The following DOCK1 variants were observed in gnomAD, a reference collection of about 807,000 sequenced individuals.
The protein encoded by DOCK1 is dedicator of cytokinesis 1.
A neutral mutation model predicts 262.7 loss-of-function variants in DOCK1; 138 were observed. The ratio of observed to expected loss-of-function variants is 0.53; its 90% CI spans 0.46 to 0.61. The LOEUF (loss-of-function observed/expected upper bound fraction) is 0.61. Among genes scored for constraint, DOCK1 ranks in the 20% least tolerant of loss-of-function variants. The pLI is 0.00. For synonymous variants in DOCK1, 866 were observed against 867.4 expected (o/e 1.00, Z 0.03); for missense variants, 1,908 against 2,370.7 (o/e 0.80, Z 4.05).
At chr10:127,045,623 T>G in intron 21 of DOCK1, among the ~76,000 whole-genome samples, 1 of 152,176 alleles carries the variant, frequency 6.6e-6, no homozygotes, top group East Asian at 1.9e-4. Context: ...AGAGAAGGAA[T>G]GAAAGATTTT....
intron 29 of DOCK1, among the ~76,000 whole-genome samples, chr10:127,285,754 G>A (rs922802092): frequency 6.6e-6 from 1 of 152,202 alleles, no homozygotes; most frequent in African/African-American, 2.4e-5. Context: ...AAGATTTGGA[G>A]GATTTGAGGA....
At chr10:127,327,821 T>C (rs1231748294) in intron 29 of DOCK1, among the ~76,000 whole-genome samples, 3 of 152,132 alleles carry the variant, frequency 2.0e-5, no homozygotes, top group African/African-American at 4.8e-5. Context: ...TTCAGAGCTG[T>C]TATTAACTTG....
At chr10:127,189,345 T>C (rs2056550945) in intron 27 of DOCK1, among the ~76,000 whole-genome samples, 1 of 152,206 alleles carries the variant, frequency 6.6e-6, no homozygotes, top group African/African-American at 2.4e-5. Flanking sequence ...CACTCAGTAG[T>C]TGACCTGCCC....
chr10:126,980,393 A>C (rs1011632906), intron 3 of DOCK1, among the ~76,000 whole-genome samples: 1 of 151,968 alleles, frequency 6.6e-6, no homozygotes, highest in Non-Finnish European at 1.5e-5. Context: ...AAAGGGTCTC[A>C]CCATCTTGCC....
intron 1 of DOCK1, among the ~76,000 whole-genome samples, chr10:126,943,306 C>T (rs1451050495): frequency 1.8e-4 from 27 of 152,148 alleles, no homozygotes; most frequent in Non-Finnish European, 4.0e-4. Context: ...AACCTGACTG[C>T]CTTACTTTCT....
chr10:127,186,505 C>A (rs1452405164), intron 27 of DOCK1, among the ~76,000 whole-genome samples: 2 of 18,142 alleles, frequency 1.1e-4, no homozygotes. Flanking sequence ...ATGGGAGAAA[C>A]CGCCCCCCCG....
intron 27 of DOCK1, among the ~76,000 whole-genome samples, chr10:127,149,359 T>C (rs915222027): frequency 1.3e-5 from 2 of 152,128 alleles, no homozygotes; most frequent in African/African-American, 2.4e-5. Flanking sequence ...CTGGTGGTTT[T>C]CCCCCCGCCT....
intron 1 of DOCK1, among the ~76,000 whole-genome samples, chr10:126,947,028 CGG>C (rs2035469487): frequency 6.6e-6 from 1 of 152,202 alleles, no homozygotes; most frequent in African/African-American, 2.4e-5. Flanking sequence ...GGGAGAGATG[CGG>C]TCCAAGGACT....
chr10:126,951,702 T>A (rs1188833522), intron 1 of DOCK1, among the ~76,000 whole-genome samples: 1 of 151,952 alleles, frequency 6.6e-6, no homozygotes, highest in Non-Finnish European at 1.5e-5. Flanking sequence ...TTACTAGTAT[T>A]GAGGCAGAAG....
Position 127,390,957 on chromosome 10 carries a change from G to T in DOCK1, c.3927+6048G>T, listed in dbSNP as rs550542401. ...GCTCTGAGTCAAAGACTTTGCTCTT[G>T]TTGAGCGCCAAGAACATCGTCAGAC... On this transcript the variant is annotated intron_variant, in intron 38 of 51. Transcript: ENST00000623213. Among the ~76,000 whole-genome samples the T allele has an allele frequency of 2.0e-5, 3 of 152,322 alleles. No individual in the cohort carries two copies. In the South Asian group the frequency reaches 6.2e-4, roughly 32 times the overall value.
intron 27 of DOCK1, among the ~76,000 whole-genome samples, chr10:127,144,614 A>G (rs1031214176): frequency 6.6e-6 from 1 of 152,362 alleles, no homozygotes; most frequent in Middle Eastern, 3.4e-3. Context: ...ATACATTTGT[A>G]TAATTCTATT....
chr10:127,166,173 C>A (rs1363022991), intron 27 of DOCK1, among the ~76,000 whole-genome samples: 1 of 152,212 alleles, frequency 6.6e-6, no homozygotes, highest in Non-Finnish European at 1.5e-5. Flanking sequence ...TCACTCCATT[C>A]TCCTGCCTCA....
At chr10:127,435,307 C>T (rs570757469) in intron 48 of DOCK1, among the ~76,000 whole-genome samples, 1 of 152,154 alleles carries the variant, frequency 6.6e-6, no homozygotes, top group Non-Finnish European at 1.5e-5. Flanking sequence ...CCCTATCAAA[C>T]CCACAGGCAT....
intron 33 of DOCK1, among the ~76,000 whole-genome samples, chr10:127,366,568 T>G (rs976746559): frequency 6.6e-6 from 1 of 152,220 alleles, no homozygotes; most frequent in African/African-American, 2.4e-5. Flanking sequence ...AGTATTTGTC[T>G]CTTGACTTGC....
At chr10:127,424,890 C>T (rs1336563538) in intron 46 of DOCK1, among the ~76,000 whole-genome samples, 4 of 152,142 alleles carry the variant, frequency 2.6e-5, no homozygotes, top group East Asian at 1.9e-4. Flanking sequence ...GCGAGGAGAG[C>T]GCTGCTACTC....
At chr10:126,952,091 G>A (rs891059021) in intron 1 of DOCK1, among the ~76,000 whole-genome samples, 9 of 151,896 alleles carry the variant, frequency 5.9e-5, no homozygotes, top group African/African-American at 1.2e-4. Flanking sequence ...CTTGTGATCC[G>A]CCCACCTCGG....
At chr10:127,233,787 T>G (rs909689659) in intron 27 of DOCK1, among the ~76,000 whole-genome samples, 1 of 152,258 alleles carries the variant, frequency 6.6e-6, no homozygotes, top group Non-Finnish European at 1.5e-5. Flanking sequence ...CTTCTAAGTT[T>G]AATTTTATTA....
chr10:127,293,054 G>A (rs1407765646), intron 29 of DOCK1, among the ~76,000 whole-genome samples: 1 of 152,232 alleles, frequency 6.6e-6, no homozygotes, highest in African/African-American at 2.4e-5. Flanking sequence ...AAGGCAAAGA[G>A]AAAGGGGATC....
intron 22 of DOCK1, among the ~76,000 whole-genome samples, chr10:127,054,536 G>A (rs1057060104): frequency 1.3e-5 from 2 of 152,258 alleles, no homozygotes; most frequent in South Asian, 4.1e-4. Context: ...CTCTTTGTTA[G>A]GGTGAAACAC....
Sources: allele counts gnomAD v4.1 joint callset (sites outside exome capture counted in the v4.1 genomes callset), GRCh38; gene constraint gnomAD v4.1.1; transcripts MANE v1.5; gene names NCBI Gene and HGNC (gene_info 2026-07-23, HGNC 2026-07-21).